PRKCD: variants seen among roughly 807,000 people sequenced by gnomAD.
The protein encoded by PRKCD is protein kinase C delta type.
A neutral mutation model predicts 82.2 loss-of-function variants in PRKCD; 20 were observed. The observed-to-expected ratio is 0.24, with a 90% CI of 0.17 to 0.35. The LOEUF (loss-of-function observed/expected upper bound fraction) is 0.35. PRKCD is among the 10% of genes least tolerant of loss of function. The probability of loss-of-function intolerance (pLI) is 1.00; values close to 1 mark genes in which losing one functional copy is unlikely to be tolerated. For missense variants in PRKCD, 607 were observed against 899.0 expected, an observed-to-expected ratio of 0.68 and a Z score of 4.15; for synonymous variants, 317 against 337.0, an observed-to-expected ratio of 0.94 and a Z score of 0.65.
Position 53,186,170 on chromosome 3 carries a change from C to T in PRKCD, c.1090C>T (p.Leu364=). Residue 364 remains leucine, a synonymous_variant, in exon 13 of 19, where the codon CTG becomes TTG. Coordinates refer to ENST00000330452, the MANE Select transcript of PRKCD (RefSeq NM_006254.4). ...AGCACCCGTGTCTCCCCATCAGGTG[C>T]TGCTTGGAGAGCTGAAGGGCAGAGG... ...VLGKGSFGKV[L]LGELKGRGEY... is the part of the protein sequence containing the mutation. 1 of 1,613,604 alleles carries T rather than the reference C, an allele frequency of 6.2e-7. No homozygotes were observed. Among genetic ancestry groups the T allele is most frequent in the South Asian group, 1.1e-5 (1 of 91,002 alleles).
intron 10 of PRKCD, among the ~76,000 whole-genome samples, chr3:53,185,199 C>A (rs567614454): frequency 6.6e-6 from 1 of 152,240 alleles, no homozygotes; most frequent in African/African-American, 2.4e-5. Flanking sequence ...AACCTGGGGA[C>A]CACAGGAGTG....
At chr3:53,178,192 C>T (rs1455356224) in intron 2 of PRKCD, among the ~76,000 whole-genome samples, 3 of 152,200 alleles carry the variant, frequency 2.0e-5, no homozygotes, top group African/African-American at 4.8e-5. Flanking sequence ...CCTACCTTGG[C>T]CTCCCAAAGT....
At position 53,183,591 on chromosome 3, in the gene PRKCD, AC is replaced by A; in HGVS notation, c.787+14del. 1 of 1,610,526 alleles carries A rather than the reference AC, an allele frequency of 6.2e-7. No individual in the cohort carries two copies. Among genetic ancestry groups the A allele is most frequent in the Admixed American group, 1.7e-5 (1 of 59,658 alleles). ...GGATTAAAGTGTGAAGGTGCGTGCC[AC>A]CCCGCCCCTGGGCTGCAGGAGGGGC... is the stretch of plus-strand genomic sequence containing the variant. On this transcript the variant is annotated intron_variant, in intron 9 of 18. Transcript: ENST00000330452.
At chr3:53,178,602 G>C in intron 3 of PRKCD, 65 bp downstream of exon 3, 9 of 1,414,002 alleles carry the variant, frequency 6.4e-6, no homozygotes, top group Non-Finnish European at 8.8e-6. Context: ...AGGACTGGAG[G>C]GGGCCTGGCC....
At chr3:53,186,112 G>A (rs189341769) in intron 12 of PRKCD, 55 bp from the exon 13 acceptor site, 33 of 1,607,588 alleles carry the variant, frequency 2.1e-5, no homozygotes, top group African/African-American at 5.3e-5. Flanking sequence ...TCTGTGAATC[G>A]GGCTGTGGCC....
chr3:53,174,455 G>A (rs1418626265), intron 2 of PRKCD, among the ~76,000 whole-genome samples: 1 of 152,178 alleles, frequency 6.6e-6, no homozygotes, highest in Non-Finnish European at 1.5e-5. Context: ...CTGAGCCAGC[G>A]GCCTTCCTCT....
At chr3:53,190,118 A>G (rs1703871993) in intron 18 of PRKCD, 117 bp downstream of exon 18, 2 of 1,428,306 alleles carry the variant, frequency 1.4e-6, no homozygotes, top group Non-Finnish European at 1.9e-6. Flanking sequence ...TCTCCATAGC[A>G]TGTTCAGTCA....
chr3:53,181,503 G>A lies in PRKCD; in HGVS notation c.436G>A (p.Gly146Arg). The A allele has an allele frequency of 1.2e-6, 2 of 1,614,194 alleles. No individual in the cohort carries two copies. The highest frequency in any genetic ancestry group is 8.5e-7 in the Non-Finnish European group (1 of 1,180,034). Residue 146 changes from glycine to arginine, a missense_variant, in exon 6 of 19, where the codon GGA becomes AGA. Physicochemically the swap from Gly to Arg is moderately radical, Grantham distance 125 (BLOSUM62 -2). This residue lies in a region of PRKCD where 161 missense variants were observed against 227.0 expected (regional missense o/e 0.71). Coordinates refer to ENST00000330452, the MANE Select transcript of PRKCD (RefSeq NM_006254.4). ...CAAGTTCCCAACGATGAACCGCCGC[G>A]GAGCCATCAAACAGGCCAAAATCCA... ...EAKFPTMNRR[G>R]AIKQAKIHYI...
intron 4 of PRKCD, 124 bp from the exon 5 acceptor site, chr3:53,181,083 C>T: frequency 9.8e-7 from 1 of 1,017,224 alleles, no homozygotes; most frequent in South Asian, 1.5e-5. Flanking sequence ...AGACAAGTGT[C>T]TGGCTAGGCC....
chr3:53,181,314 C>T, intron 5 of PRKCD, 47 bp downstream of exon 5: 1 of 1,610,292 alleles, frequency 6.2e-7, no homozygotes, highest in South Asian at 1.1e-5. Context: ...GGTTCAGAGG[C>T]AGAGCCAGCA....
intron 4 of PRKCD, among the ~76,000 whole-genome samples, 175 bp from the exon 5 acceptor site, chr3:53,181,032 C>T (rs1703419218): frequency 6.6e-6 from 1 of 151,674 alleles, no homozygotes; most frequent in Admixed American, 6.6e-5. Flanking sequence ...GGGGGTGGGG[C>T]TCAGGAGTGG....
In PRKCD at chr3:53,187,355, G is replaced by A; in HGVS notation, c.1368G>A (p.Glu456=). 6.2e-7 allele frequency: 1 copy of A among 1,614,174 alleles called. No individual in the cohort carries two copies. Among genetic ancestry groups the A allele is most frequent in the Non-Finnish European group, 8.5e-7 (1 of 1,180,036 alleles). ...TCTTGCCCAGGTTTTATGCCGCTGA[G>A]ATAATGTGTGGACTGCAGTTTCTAC... is the stretch of plus-strand genomic sequence containing the variant. ...ELYRATFYAA[E]IMCGLQFLHS... Residue 456 remains glutamate (E), a synonymous_variant, in exon 15 of 19, where the codon GAG becomes GAA. Coordinates refer to ENST00000330452, the MANE Select transcript of PRKCD (RefSeq NM_006254.4).
At position 53,184,968 on chromosome 3, in the gene PRKCD, C is replaced by T; in HGVS notation, c.882C>T (p.Val294=). The T allele has an allele frequency of 6.2e-7, 1 of 1,613,920 alleles. No homozygotes were observed. Among genetic ancestry groups the T allele is most frequent in the African/African-American group, 1.3e-5 (1 of 75,046 alleles). ...TTTTGGCTGAGGCCTTGAACCAAGT[C>T]ACCCAGGTGGGCAGGTGCCATGGGG... is the stretch of plus-strand genomic sequence containing the variant. ...QKLLAEALNQ[V]TQRASRRSDS... is the part of the protein sequence containing the mutation. Residue 294 remains valine, a synonymous_variant, in exon 10 of 19, where the codon GTC becomes GTT. Transcript: ENST00000330452.
intron 9 of PRKCD, among the ~76,000 whole-genome samples, chr3:53,184,052 G>T (rs1432600490): frequency 6.6e-6 from 1 of 152,184 alleles, no homozygotes; most frequent in African/African-American, 2.4e-5. Context: ...TGAAAGATTG[G>T]CTGGGCGCGG....
chr3:53,184,721 A>G (rs1484690172), intron 9 of PRKCD, among the ~76,000 whole-genome samples, 153 bp from the exon 10 acceptor site: 3 of 150,440 alleles, frequency 2.0e-5, no homozygotes, highest in Non-Finnish European at 4.4e-5. Context: ...CGAAGTATTT[A>G]TGATGGCTTC....
At chr3:53,185,154 AATTCATT>A (rs1553668702) in intron 10 of PRKCD, among the ~76,000 whole-genome samples, 180 bp downstream of exon 10, 1 of 152,184 alleles carries the variant, frequency 6.6e-6, no homozygotes, top group Admixed American at 6.5e-5. Context: ...TTTCATAAGA[AATTCATT>A]ATTCAGGCAG....
chr3:53,184,920 C>T lies in PRKCD; in HGVS notation c.834C>T (p.Asn278=). The T allele has an allele frequency of 2.5e-6, 4 of 1,614,084 alleles. No homozygotes were observed. Among genetic ancestry groups the T allele is most frequent in the Non-Finnish European group, 3.4e-6 (4 of 1,179,976 alleles). ...ATAAATGCCGGGAGAAGGTGGCCAACCTCTGCGGCATCAACCAGAAGCTTT... is the reference window on the plus strand; with the variant it reads ...ATAAATGCCGGGAGAAGGTGGCCAATCTCTGCGGCATCAACCAGAAGCTTT... ...VHHKCREKVA[N]LCGINQKLLA... is the part of the protein sequence containing the mutation. The change falls in exon 10 of 19, where the codon AAC becomes AAT. Residue 278 remains asparagine (N), a synonymous_variant. Transcript: ENST00000330452.
At chr3:53,175,180 CTGAG>C (rs1359989482) in intron 2 of PRKCD, among the ~76,000 whole-genome samples, 3 of 152,180 alleles carry the variant, frequency 2.0e-5, no homozygotes, top group African/African-American at 7.2e-5. Flanking sequence ...TCTGGTGCTC[CTGAG>C]TGAGTTGTAT....
intron 7 of PRKCD, among the ~76,000 whole-genome samples, chr3:53,182,278 T>A (rs1195521267): frequency 6.6e-6 from 1 of 152,160 alleles, no homozygotes; most frequent in African/African-American, 2.4e-5. Flanking sequence ...CTATAATTTT[T>A]TTTTTTTTGA....
Sources: gnomAD v4.1 joint callset for allele counts (sites outside exome capture counted in the v4.1 genomes callset) on GRCh38, gnomAD v4.1.1 for gene constraint, gnomAD v4.1.1 regional missense constraint, MANE v1.5 for transcripts, NCBI Gene and HGNC (gene_info 2026-07-23, HGNC 2026-07-21) for gene names.